Variants in LRRC37A observed in about 807,000 individuals in gnomAD.
The protein encoded by LRRC37A is leucine rich repeat containing 37A.
Under a neutral mutation model 35.4 loss-of-function variants are expected in LRRC37A, and 3 were observed. The observed-to-expected ratio is 0.08, with a 90% CI of 0.04 to 0.22. The LOEUF is 0.22. Ranked by LOEUF, LRRC37A falls within the 10% of genes least tolerant of loss-of-function variation. The probability of loss-of-function intolerance (pLI) is 1.00; values close to 1 mark genes in which losing one functional copy is unlikely to be tolerated. For synonymous variants in LRRC37A, 23 were observed against 215.0 expected (o/e 0.11, Z 7.81); for missense variants, 67 against 565.3 (o/e 0.12, Z 8.94).
the LRRC37A span, chr17:46,275,458 A>G: frequency 2.5e-6 from 2 of 814,208 alleles, no homozygotes; most frequent in Admixed American, 2.2e-5. Context: ...AGCACCTTTC[A>G]TTTTTGAAAA....
At chr17:46,279,094 G>A in the LRRC37A span, among the ~76,000 whole-genome samples, 1 of 152,234 alleles carries the variant, frequency 6.6e-6, no homozygotes, top group East Asian at 1.9e-4. Flanking sequence ...CACTGTTCCT[G>A]GCCCAATGTC....
At chr17:46,258,558 T>G in the LRRC37A span, among the ~76,000 whole-genome samples, 37 of 152,212 alleles carry the variant, frequency 2.4e-4, no homozygotes, top group African/African-American at 8.7e-4. Context: ...TTCACAATTG[T>G]AAAAATGTGG....
chr17:46,270,373 G>C, the LRRC37A span, among the ~76,000 whole-genome samples: 1 of 152,230 alleles, frequency 6.6e-6, no homozygotes, highest in Non-Finnish European at 1.5e-5. Context: ...GTAATAAAGA[G>C]TTGAGAGGTT....
At chr17:46,317,140 T>A (rs1189258128) in intron 5 of LRRC37A, among the ~76,000 whole-genome samples, 3 of 71,822 alleles carry the variant, frequency 4.2e-5, no homozygotes, top group Non-Finnish European at 8.5e-5. Context: ...ACCTCCCAGA[T>A]GGGGTGGCGG....
the LRRC37A span, among the ~76,000 whole-genome samples, chr17:46,253,319 G>A: frequency 6.6e-6 from 1 of 151,982 alleles, no homozygotes; most frequent in African/African-American, 2.4e-5. Context: ...CAGCCAGGCA[G>A]AGACGCTCCT....
upstream of LRRC37A, among the ~76,000 whole-genome samples, chr17:46,288,488 TG>T (rs2049979101): frequency 2.0e-5 from 3 of 151,954 alleles, no homozygotes; most frequent in South Asian, 6.2e-4. Context: ...TTTGCATTTT[TG>T]GTTGTGCCAC....
At chr17:46,268,918 CCAGA>C in the LRRC37A span, among the ~76,000 whole-genome samples, 1 of 152,220 alleles carries the variant, frequency 6.6e-6, no homozygotes, top group Non-Finnish European at 1.5e-5. Context: ...AACTGTTGTG[CCAGA>C]CAGTGATTTA....
upstream of LRRC37A, among the ~76,000 whole-genome samples, chr17:46,290,696 C>T (rs1380904761): frequency 6.6e-6 from 1 of 152,240 alleles, no homozygotes; most frequent in Non-Finnish European, 1.5e-5. Context: ...ATCGTTTCAC[C>T]TCAGCCTCCC....
the LRRC37A span, among the ~76,000 whole-genome samples, chr17:46,266,316 C>T: frequency 6.6e-6 from 1 of 152,210 alleles, no homozygotes; most frequent in Admixed American, 6.5e-5. Flanking sequence ...GCTGCCCCCA[C>T]CGCAGCGCGC....
At chr17:46,253,949 G>A in the LRRC37A span, among the ~76,000 whole-genome samples, 1 of 152,346 alleles carries the variant, frequency 6.6e-6, no homozygotes, top group South Asian at 2.1e-4. Context: ...ACCAACAGAG[G>A]TAGGGGAAGA....
the LRRC37A span, among the ~76,000 whole-genome samples, chr17:46,272,946 T>G: frequency 6.6e-6 from 1 of 152,236 alleles, no homozygotes; most frequent in Non-Finnish European, 1.5e-5. Flanking sequence ...AACCAACCGT[T>G]GCTTCATTAG....
At chr17:46,286,152 A>C in the LRRC37A span, among the ~76,000 whole-genome samples, 2 of 152,240 alleles carry the variant, frequency 1.3e-5, no homozygotes, top group African/African-American at 4.8e-5. Flanking sequence ...ACTTATAATA[A>C]AGCATGCACC....
the LRRC37A span, among the ~76,000 whole-genome samples, chr17:46,263,691 C>G: frequency 5.3e-5 from 8 of 150,890 alleles, no homozygotes. Context: ...CCCGTCTCTG[C>G]CAAAAATACA....
the LRRC37A span, among the ~76,000 whole-genome samples, chr17:46,284,206 G>A: frequency 6.6e-6 from 1 of 152,206 alleles, no homozygotes; most frequent in Non-Finnish European, 1.5e-5. Context: ...CCCTTCCCAC[G>A]AGGCCATATT....
chr17:46,287,916 G>A (rs1457687002), upstream of LRRC37A, among the ~76,000 whole-genome samples: 1 of 152,258 alleles, frequency 6.6e-6, no homozygotes, highest in Non-Finnish European at 1.5e-5. Flanking sequence ...TATACAGTGT[G>A]TCTACAAGTG....
chr17:46,266,613 C>T, the LRRC37A span, among the ~76,000 whole-genome samples: 3 of 152,160 alleles, frequency 2.0e-5, no homozygotes, highest in African/African-American at 7.2e-5. Context: ...GCCTGGGAAC[C>T]CTGTCTGCAA....
the LRRC37A span, among the ~76,000 whole-genome samples, chr17:46,253,337 C>T: frequency 6.6e-6 from 1 of 151,964 alleles, no homozygotes; most frequent in Non-Finnish European, 1.5e-5. Context: ...CCTCACTTCC[C>T]AGACGGGGTG....
chr17:46,332,504 A>G lies in LRRC37A; in HGVS notation c.4705-48A>G, dbSNP rs201858633. On this transcript the variant is annotated intron_variant, in intron 9 of 13. Transcript: ENST00000320254. ...ACTCACCTGGAATACTGGGGTTTTGAATAGTTAGCTCTCATTCTGGTTTTT... is the reference window on the plus strand; with the variant it reads ...ACTCACCTGGAATACTGGGGTTTTGGATAGTTAGCTCTCATTCTGGTTTTT... The G allele has an allele frequency of 8.7e-6, 11 of 1,261,200 alleles. No homozygotes were observed. The African/African-American group carries it at 1.9e-4, about 22-fold the overall frequency. The allele number at this position is 1,261,200 out of a possible 1,614,324, so 78.1% of individuals were successfully genotyped here. A position where few individuals can be genotyped will look rare whatever the true frequency, so the allele number is the denominator to read the frequency against.
At chr17:46,268,374 C>A in the LRRC37A span, 2 of 770,210 alleles carry the variant, frequency 2.6e-6, no homozygotes, top group Non-Finnish European at 3.5e-6. Flanking sequence ...TGCCTGTAGA[C>A]TAAATATCAG....
Sources: gnomAD v4.1 joint callset for allele counts (sites outside exome capture counted in the v4.1 genomes callset) on GRCh38, gnomAD v4.1.1 for gene constraint, MANE v1.5 for transcripts, NCBI Gene and HGNC (gene_info 2026-07-23, HGNC 2026-07-21) for gene names.